EBNA1BP2: variants seen among roughly 807,000 people sequenced by gnomAD.
EBNA1BP2 encodes the protein probable rRNA-processing protein EBP2.
A neutral mutation model predicts 43.5 loss-of-function variants in EBNA1BP2; 36 were observed. The observed-to-expected ratio is 0.83, with a 90% CI of 0.63 to 1.09. The LOEUF is 1.09. EBNA1BP2 is among the 50% of genes least tolerant of loss of function. The pLI, the probability that EBNA1BP2 is intolerant of heterozygous loss-of-function variation, is 0.00. For synonymous variants in EBNA1BP2, 127 were observed against 141.3 expected (o/e 0.90, Z 0.72); for missense variants, 332 against 379.1 (o/e 0.88, Z 1.03).
At chr1:43,170,270 T>C (rs1644946536) in intron 4 of EBNA1BP2, among the ~76,000 whole-genome samples, 3 of 152,222 alleles carry the variant, frequency 2.0e-5, no homozygotes, top group Non-Finnish European at 2.9e-5. Context: ...TTGGATTACA[T>C]GCTGGCAATC....
Position 43,167,192 on chromosome 1 carries a change from T to A in EBNA1BP2, c.581A>T (p.His194Leu). 1.9e-6 allele frequency: 3 copies of A among 1,614,200 alleles called. No homozygotes were observed. The highest frequency in any genetic ancestry group is 2.5e-6 in the Non-Finnish European group (3 of 1,180,048). Residue 194 changes from histidine to leucine, a missense_variant, in exon 6 of 9, where the codon CAT becomes CTT. Physicochemically the swap from His to Leu is moderately conservative, Grantham distance 99. Transcript: ENST00000236051. ...ATATTTCTTAATAGCATTCATCATA[T>A]GGGCTTTCTCCTGCTGCCTCTTCTG... ...VLQKRQQEKA[H>L]MMNAIKKYQK...
At position 43,164,910 on chromosome 1, in the gene EBNA1BP2, G is replaced by T. The variant is rs1177057787; in HGVS notation, c.708-105C>A. On this transcript the variant is annotated intron_variant, in intron 7 of 8. Transcript: ENST00000236051. ...CCTTTCTATAAGCAAAGCCCCTTAG[G>T]CACGTCTGTAACCCAGAATCTCATC... is the stretch of plus-strand genomic sequence containing the variant. The T allele has an allele frequency of 5.2e-5, 74 of 1,416,452 alleles. No individual in the cohort carries two copies. In the East Asian group the frequency reaches 1.1e-3, roughly 21 times the overall value. The allele number at this position is 1,416,452 out of a possible 1,614,324, so 87.7% of individuals were successfully genotyped here. A position where few individuals can be genotyped will look rare whatever the true frequency, so the allele number is the denominator to read the frequency against.
At chr1:43,166,184 G>C (rs573638022) in intron 7 of EBNA1BP2, among the ~76,000 whole-genome samples, 2 of 152,192 alleles carry the variant, frequency 1.3e-5, no homozygotes, top group Non-Finnish European at 2.9e-5. Context: ...ATGGTAACTC[G>C]TTCAAAACTG....
intron 7 of EBNA1BP2, 91 bp downstream of exon 7, chr1:43,166,735 G>C: frequency 7.7e-7 from 1 of 1,303,250 alleles, no homozygotes; most frequent in African/African-American, 1.5e-5. Flanking sequence ...CTATGGCTGC[G>C]CCGGTGGAGG....
intron 3 of EBNA1BP2, 130 bp downstream of exon 3, chr1:43,171,349 A>C: frequency 8.7e-7 from 1 of 1,150,088 alleles, no homozygotes; most frequent in Non-Finnish European, 1.2e-6. Context: ...TCTCCTAGCT[A>C]TTCTTAGTCA....
At chr1:43,165,218 C>G (rs1644910345) in intron 7 of EBNA1BP2, among the ~76,000 whole-genome samples, 1 of 152,180 alleles carries the variant, frequency 6.6e-6, no homozygotes, top group Admixed American at 6.5e-5. Flanking sequence ...TGAATACGTT[C>G]AAATGTAAAC....
At chr1:43,172,540 G>A, upstream of EBNA1BP2, 1 of 1,201,510 alleles carries the variant, frequency 8.3e-7, no homozygotes, top group South Asian at 1.4e-5. Context: ...CCGCGGGGGT[G>A]GGGTGGCGCG....
intron 2 of EBNA1BP2, 92 bp from the exon 3 acceptor site, chr1:43,171,743 T>C: frequency 6.4e-7 from 1 of 1,568,902 alleles, no homozygotes; most frequent in Non-Finnish European, 8.7e-7. Flanking sequence ...AAAGTGCTAA[T>C]CCCCAATACC....
chr1:43,164,870 C>A (rs61776916), intron 7 of EBNA1BP2, 65 bp from the exon 8 acceptor site: 75,134 of 1,577,744 alleles, frequency 0.048, 2,618 homozygotes, highest in African/African-American at 0.17. Context: ...GATGGCCCAG[C>A]AATGCTCTCA....
intron 5 of EBNA1BP2, among the ~76,000 whole-genome samples, chr1:43,168,073 T>C (rs1268043994): frequency 3.3e-5 from 5 of 152,220 alleles, no homozygotes; most frequent in African/African-American, 9.6e-5. Context: ...TTGGCTATGT[T>C]AAATTAATTA....
Position 43,171,483 on chromosome 1 carries a change from T to G in EBNA1BP2, c.319A>C (p.Ser107Arg). ...AACATTTGAAAACAAACATACAAAC[T>G]CATCTCTCGCTGGAAGTCGTCTTCT... ...DPEDDFQREM[S>R]FYRQAQAAVL... The change falls in exon 3 of 9, where the codon AGT (serine) becomes CGT (arginine). Residue 107 changes from serine (S) to arginine (R), a missense_variant. Physicochemically the swap from Ser to Arg is moderately radical, Grantham distance 110 (BLOSUM62 -1). Transcript: ENST00000236051. 3 of 1,608,050 alleles carry G rather than the reference T, an allele frequency of 1.9e-6. No individual in the cohort carries two copies. The highest frequency in any genetic ancestry group is 2.5e-6 in the Non-Finnish European group (3 of 1,177,642).
chr1:43,168,854 A>G, intron 5 of EBNA1BP2, 85 bp downstream of exon 5: 1 of 1,304,266 alleles, frequency 7.7e-7, no homozygotes, highest in Admixed American at 1.7e-5. Flanking sequence ...AGTTCCGTTC[A>G]GTTCAGGGGA....
Position 43,172,163 on chromosome 1 carries a change from C to A in EBNA1BP2, c.-45G>T. ...ACACCTACAGGAAGAAACGGGGTATCCCGAGACCCAAGCGGCTAGCAGAGG... is the reference window on the plus strand; with the variant it reads ...ACACCTACAGGAAGAAACGGGGTATACCGAGACCCAAGCGGCTAGCAGAGG... On this transcript the variant is annotated 5_prime_UTR_variant, in exon 1 of 9. Transcript: ENST00000236051. The A allele has an allele frequency of 6.2e-7, 1 of 1,613,458 alleles. No homozygotes were observed. The highest frequency in any genetic ancestry group is 1.1e-5 in the South Asian group (1 of 91,014).
Position 43,169,260 on chromosome 1 carries a change from T to C in EBNA1BP2, c.448-232A>G, listed in dbSNP as rs1417558364. ...TCCCGCTCCCAGTGTGCTGTCTGTTTCATTATACAAACTGCCTATTTGTAG... is the reference window on the plus strand; with the variant it reads ...TCCCGCTCCCAGTGTGCTGTCTGTTCCATTATACAAACTGCCTATTTGTAG... On this transcript the variant is annotated intron_variant, in intron 4 of 8. Coordinates refer to ENST00000236051, the MANE Select transcript of EBNA1BP2 (RefSeq NM_006824.3). Among the ~76,000 whole-genome samples, 29 of 152,292 alleles carry C rather than the reference T, an allele frequency of 1.9e-4. 1 individual carries two copies. The highest frequency in any genetic ancestry group is 7.0e-4 in the African/African-American group (29 of 41,554).
At chr1:43,168,883 A>G (rs1644935198) in intron 5 of EBNA1BP2, 56 bp downstream of exon 5, 1 of 1,569,854 alleles carries the variant, frequency 6.4e-7, no homozygotes, top group Non-Finnish European at 8.8e-7. Flanking sequence ...GACCACGGCA[A>G]TCTCATCTAA....
intron 3 of EBNA1BP2, 26 bp downstream of exon 3, chr1:43,171,453 T>C: frequency 6.3e-7 from 1 of 1,588,760 alleles, no homozygotes; most frequent in Non-Finnish European, 8.6e-7. Flanking sequence ...ATCCTCAACT[T>C]CTCCAACATT....
chr1:43,171,135 C>T, intron 3 of EBNA1BP2: 1 of 476,756 alleles, frequency 2.1e-6, no homozygotes, highest in South Asian at 3.9e-5. Flanking sequence ...CCCATTAACA[C>T]AAACGAATGT....
At position 43,166,922 on chromosome 1, in the gene EBNA1BP2, G is replaced by A. The variant is rs1479860652; in HGVS notation, c.614-3C>T. On this transcript the variant is annotated splice_polypyrimidine_tract_variant and splice_region_variant and intron_variant, in intron 6 of 8. Coordinates refer to ENST00000236051, the MANE Select transcript of EBNA1BP2 (RefSeq NM_006824.3). ...GAAATCCAGTTTATCAGAGAAGCCT[G>A]TAAGTGAAGAAGTAGTTTTGATCAG... 6.2e-7 allele frequency: 1 copy of A among 1,611,798 alleles called. No homozygotes were observed. Among genetic ancestry groups the A allele is most frequent in the Non-Finnish European group, 8.5e-7 (1 of 1,179,308 alleles).
In EBNA1BP2 at chr1:43,164,250, T is replaced by C; in HGVS notation, c.*193A>G. On this transcript the variant is annotated 3_prime_UTR_variant, in exon 9 of 9. Transcript: ENST00000236051. ...ACTCAATGTCTAAATTATCAATAGA[T>C]AGCAATGGAAAGTAACTTCTCAATC... 3.2e-6 allele frequency: 2 copies of C among 621,004 alleles called. No homozygotes were observed. Among genetic ancestry groups the C allele is most frequent in the South Asian group, 2.1e-5 (1 of 47,224 alleles). 38.5% of individuals were successfully genotyped at this position (621,004 alleles called of 1,614,324 possible).
Sources: allele counts gnomAD v4.1 joint callset (sites outside exome capture counted in the v4.1 genomes callset), GRCh38; gene constraint gnomAD v4.1.1; transcripts MANE v1.5; gene names NCBI Gene and HGNC (gene_info 2026-07-23, HGNC 2026-07-21).